Variants in GRIP1 observed in about 807,000 individuals in gnomAD.
GRIP1 encodes glutamate receptor-interacting protein 1.
GRIP1 carries 45 observed loss-of-function variants against 129.9 expected under a neutral mutation model. The ratio of observed to expected loss-of-function variants is 0.35; its 90% CI spans 0.27 to 0.44. GRIP1 has a LOEUF of 0.44. Ranked by LOEUF, GRIP1 falls within the 20% of genes least tolerant of loss-of-function variation. The pLI, the probability that GRIP1 is intolerant of heterozygous loss-of-function variation, is 1.00. For synonymous variants in GRIP1, 530 were observed against 520.8 expected (o/e 1.02, Z -0.24); for missense variants, 1,196 against 1,396.8 (o/e 0.86, Z 2.29).
chr12:66,941,295 A>C (rs564319758), intron 1 of GRIP1, among the ~76,000 whole-genome samples: 73 of 152,304 alleles, frequency 4.8e-4, no homozygotes, highest in African/African-American at 1.7e-3. Flanking sequence ...CCACCTTAAA[A>C]ATCAGTATTG....
chr12:66,590,558 A>G (rs922715827), intron 2 of GRIP1, among the ~76,000 whole-genome samples: 5 of 152,304 alleles, frequency 3.3e-5, no homozygotes, highest in Non-Finnish European at 7.3e-5. Flanking sequence ...TGCTCTATTT[A>G]TAGACTAGGG....
At chr12:66,886,340 C>T (rs996210605) in intron 1 of GRIP1, among the ~76,000 whole-genome samples, 2 of 152,046 alleles carry the variant, frequency 1.3e-5, no homozygotes, top group African/African-American at 4.8e-5. Flanking sequence ...TCATGAGAAA[C>T]ATAATAAAAT....
rs139598789 is a variant in GRIP1 at position 66,362,294 on chromosome 12, C to T, written c.3013-8731G>A. Among the ~76,000 whole-genome samples, 162 of 151,774 alleles carry T rather than the reference C, an allele frequency of 1.1e-3. 2 individuals carry two copies. Among genetic ancestry groups the T allele is most frequent in the African/African-American group, 3.7e-3 (151 of 41,362 alleles). On this transcript the variant is annotated intron_variant, in intron 23 of 24. Coordinates refer to ENST00000359742, the MANE Select transcript of GRIP1 (RefSeq NM_001366722.1). ...TCTGCTTCCTGAGTAGCTGGGATTA[C>T]GGGCCTGCACCACCATGCCTGGCTA... is the stretch of plus-strand genomic sequence containing the variant.
chr12:67,052,023 A>G (rs982625997), intron 1 of GRIP1, among the ~76,000 whole-genome samples: 4 of 152,212 alleles, frequency 2.6e-5, no homozygotes, highest in African/African-American at 9.7e-5. Context: ...TGAACCACAT[A>G]TCAGTAACAA....
intron 1 of GRIP1, among the ~76,000 whole-genome samples, chr12:66,640,079 C>T (rs933244421): frequency 2.0e-5 from 3 of 152,198 alleles, no homozygotes; most frequent in Non-Finnish European, 2.9e-5. Flanking sequence ...GGTCACTTCT[C>T]CTGAAAGCCT....
At chr12:66,401,605 T>TAC (rs1219377850) in intron 16 of GRIP1, among the ~76,000 whole-genome samples, 2 of 124,450 alleles carry the variant, frequency 1.6e-5, no homozygotes, top group African/African-American at 6.8e-5. Context: ...TGTGTATATA[T>TAC]ATATACACAC....
At chr12:66,580,578 G>A (rs1469359148) in intron 2 of GRIP1, among the ~76,000 whole-genome samples, 9 of 149,234 alleles carry the variant, frequency 6.0e-5, no homozygotes, top group South Asian at 4.3e-4. Context: ...CCAAGCAAAT[G>A]GAAAACAAAA....
chr12:67,008,799 G>C (rs2135708627), intron 1 of GRIP1, among the ~76,000 whole-genome samples: 1 of 152,236 alleles, frequency 6.6e-6, no homozygotes, highest in East Asian at 1.9e-4. Context: ...AAAGATTCTA[G>C]AAGAATCTAC....
intron 1 of GRIP1, among the ~76,000 whole-genome samples, chr12:66,939,591 C>T (rs1415546828): frequency 1.3e-5 from 2 of 152,058 alleles, no homozygotes; most frequent in Admixed American, 1.3e-4. Context: ...GCTATCATTC[C>T]AACTGGGGCA....
intron 1 of GRIP1, among the ~76,000 whole-genome samples, chr12:66,921,920 G>T (rs2041220121): frequency 6.6e-6 from 1 of 152,070 alleles, no homozygotes. Flanking sequence ...AGCTACAGAG[G>T]CTACTGCTCA....
Position 66,686,411 on chromosome 12 carries a change from G to A in GRIP1, c.-419-56075C>T, listed in dbSNP as rs192290859. On this transcript the variant is annotated intron_variant, in intron 1 of 4. Coordinates refer to the GRIP1 transcript ENST00000538373. ...ACATTCATCCTGATAGTAGATTCTGGTCTAACATGCATAATTATAGCCTGT... is the reference window on the plus strand; with the variant it reads ...ACATTCATCCTGATAGTAGATTCTGATCTAACATGCATAATTATAGCCTGT... 1.4e-3 allele frequency among the ~76,000 whole-genome samples: 213 copies of A among 152,306 alleles called. 1 individual carries two copies. The highest frequency in any genetic ancestry group is 4.9e-3 in the African/African-American group (205 of 41,572).
At chr12:66,743,202 G>A (rs1401755078) in intron 1 of GRIP1, among the ~76,000 whole-genome samples, 1 of 152,142 alleles carries the variant, frequency 6.6e-6, no homozygotes, top group Non-Finnish European at 1.5e-5. Flanking sequence ...TTAAATATTT[G>A]TTGAAAATAT....
At chr12:67,003,300 T>C (rs547859017) in intron 1 of GRIP1, among the ~76,000 whole-genome samples, 22 of 152,358 alleles carry the variant, frequency 1.4e-4, no homozygotes, top group African/African-American at 4.3e-4. Context: ...ACTTAGACTA[T>C]TATGTTTTTT....
At chr12:66,964,888 A>G in intron 1 of GRIP1, among the ~76,000 whole-genome samples, 1 of 152,038 alleles carries the variant, frequency 6.6e-6, no homozygotes, top group Non-Finnish European at 1.5e-5. Flanking sequence ...CCTTCTCAAT[A>G]TGTCCTCATA....
At chr12:66,392,844 G>A (rs756983447) in intron 17 of GRIP1, 28 bp from the exon 18 acceptor site, 28 of 1,606,296 alleles carry the variant, frequency 1.7e-5, no homozygotes, top group Non-Finnish European at 2.3e-5. Flanking sequence ...AATAGGAGAG[G>A]TAGAAATAAT....
intron 7 of GRIP1, among the ~76,000 whole-genome samples, chr12:66,496,843 G>T (rs2060250952): frequency 6.9e-6 from 1 of 144,934 alleles, no homozygotes; most frequent in Non-Finnish European, 1.5e-5. Context: ...AATAAGGGGA[G>T]GGAAGAGAAG....
At chr12:66,426,418 T>C (rs79657354) in intron 14 of GRIP1, among the ~76,000 whole-genome samples, 2,556 of 152,236 alleles carry the variant, frequency 0.017, 79 homozygotes, top group African/African-American at 0.058. Context: ...TTTCTCTTAA[T>C]TTTCAAGGCC....
In GRIP1 at chr12:66,348,785, C is replaced by T. The variant is rs541596282; in HGVS notation, c.*234G>A. On this transcript the variant is annotated 3_prime_UTR_variant, in exon 25 of 25. Transcript: ENST00000359742. Reference sequence around the variant, plus strand: ...TGGGGGACGGCCTATTTTTCTCTACCGTTGGGACTGGCAGGGCATTGCCCA... The same window carrying T: ...TGGGGGACGGCCTATTTTTCTCTACTGTTGGGACTGGCAGGGCATTGCCCA... 382 of 545,506 alleles carry T rather than the reference C, an allele frequency of 7.0e-4. 3 individuals carry two copies. The South Asian group carries it at 7.8e-3, about 11-fold the overall frequency. The allele number at this position is 545,506 out of a possible 1,614,324, so 33.8% of individuals were successfully genotyped here.
intron 23 of GRIP1, among the ~76,000 whole-genome samples, chr12:66,355,297 C>A (rs77611099): frequency 2.8e-3 from 420 of 152,050 alleles, no homozygotes; most frequent in African/African-American, 9.6e-3. Flanking sequence ...ATATTTTTCA[C>A]AGGATAGAGT....
Sources: allele counts gnomAD v4.1 joint callset (sites outside exome capture counted in the v4.1 genomes callset), GRCh38; gene constraint gnomAD v4.1.1; transcripts MANE v1.5; gene names NCBI Gene and HGNC (gene_info 2026-07-23, HGNC 2026-07-21).